Variants in CHD8 observed in about 807,000 individuals in gnomAD.
The protein encoded by CHD8 is ATP-dependent chromatin remodeler CHD8.
In CHD8, 31 loss-of-function variants were observed where a neutral mutation model predicts 279.2. The observed-to-expected ratio is 0.11, with a 90% confidence interval of 0.08 to 0.15. CHD8 has a LOEUF of 0.15. Among genes scored for constraint, CHD8 ranks in the 10% least tolerant of loss-of-function variants. The probability of loss-of-function intolerance (pLI) is 1.00; values close to 1 mark genes in which losing one functional copy is unlikely to be tolerated. For missense variants in CHD8, 2,146 were observed against 3,230.5 expected (o/e 0.66, Z 8.14); for synonymous variants, 1,081 against 1,139.6 (o/e 0.95, Z 1.04).
At chr14:21,392,989 ACT>A in intron 33 of CHD8, 115 bp downstream of exon 33, 1 of 1,267,940 alleles carries the variant, frequency 7.9e-7, no homozygotes, top group Non-Finnish European at 1.1e-6. Context: ...AAAAAAAAAA[ACT>A]TGCAGCAATA....
rs142640311 is a variant in CHD8 at position 21,416,362 on chromosome 14, C to T, written c.1717-455G>A. On this transcript the variant is annotated intron_variant, in intron 5 of 37. Coordinates refer to ENST00000646647, the MANE Select transcript of CHD8 (RefSeq NM_001170629.2). ...CTTACTTTTTTATTTAATGATATTTCCTGGAAATGTTTTCCATATATATTT... is the reference window on the plus strand; with the variant it reads ...CTTACTTTTTTATTTAATGATATTTTCTGGAAATGTTTTCCATATATATTT... 611 of 152,746 alleles carry T rather than the reference C, an allele frequency of 4.0e-3. 4 individuals carry two copies. The highest frequency in any genetic ancestry group is 7.8e-3 in the Admixed American group (120 of 15,318). The allele number at this position is 152,746 out of a possible 1,614,324, so 9.5% of individuals were successfully genotyped here. A position where few individuals can be genotyped will look rare whatever the true frequency, so the allele number is the denominator to read the frequency against.
rs1456868260 is a variant in CHD8, at chr14:21,415,734, C to T, written c.1890G>A (p.Gln630=). The change falls in exon 6 of 38, where the codon CAG becomes CAA. Residue 630 remains glutamine, a synonymous_variant. Coordinates refer to ENST00000646647, the MANE Select transcript of CHD8 (RefSeq NM_001170629.2). ...EPDGETLPSM[Q]FFVENPSEED... ...TGAGTTTACAGCTTACCACAAAGAA[C>T]TGCATGGAAGGCAAAGTCTCGCCAT... 1.2e-6 allele frequency: 2 copies of T among 1,613,848 alleles called. No homozygotes were observed. Among genetic ancestry groups the T allele is most frequent in the Admixed American group, 3.3e-5 (2 of 60,004 alleles).
chr14:21,391,957 AACCC>A lies in CHD8; in HGVS notation c.6772-15_6772-12del. 2 of 1,573,036 alleles carry A rather than the reference AACCC, an allele frequency of 1.3e-6. No homozygotes were observed. The highest frequency in any genetic ancestry group is 1.8e-6 in the Non-Finnish European group (2 of 1,142,670). On this transcript the variant is annotated splice_polypyrimidine_tract_variant and intron_variant, in intron 34 of 37. Transcript: ENST00000646647. ...CTTCAATCCTTCCTCCTAGGAAGAC[AACCC>A]ACCCACCCAAGACATCATATGGTAC...
At chr14:21,414,267 A>G in intron 9 of CHD8, 34 bp downstream of exon 9, 1 of 1,072,392 alleles carries the variant, frequency 9.3e-7, no homozygotes, top group South Asian at 1.4e-5. Context: ...TGCTTCTGTG[A>G]AAGAAATGAC....
intron 37 of CHD8, among the ~76,000 whole-genome samples, chr14:21,388,312 T>C (rs1887369406): frequency 6.6e-6 from 1 of 152,168 alleles, no homozygotes; most frequent in African/African-American, 2.4e-5. Context: ...ATTGAAAATA[T>C]TTGAAAACAA....
intron 1 of CHD8, among the ~76,000 whole-genome samples, chr14:21,441,046 C>G (rs1440388112): frequency 2.0e-5 from 3 of 152,132 alleles, no homozygotes; most frequent in Non-Finnish European, 4.4e-5. Flanking sequence ...TCCTCCCCTT[C>G]CTAGCAAAGA....
Position 21,392,749 on chromosome 14 carries a change from G to C in CHD8, c.6529C>G (p.Pro2177Ala). ...ATTTCCTGGCTCCTACGGCTAGAAGGCCACTTCCCTGAGAGTACAGCCTGG... is the reference window on the plus strand; with the variant it reads ...ATTTCCTGGCTCCTACGGCTAGAAGCCCACTTCCCTGAGAGTACAGCCTGG... Reference protein sequence around the residue: ...VCQAVLSGKWPSSRRSQEMVT... With the variant: ...VCQAVLSGKWASSRRSQEMVT... The change falls in exon 34 of 38, where the codon CCT becomes GCT. Residue 2177 changes from proline to alanine, a missense_variant. Pro to Ala is a conservative substitution (Grantham distance 27). Transcript: ENST00000646647. The C allele has an allele frequency of 6.2e-7, 1 of 1,613,934 alleles. No individual in the cohort carries two copies. The highest frequency in any genetic ancestry group is 8.5e-7 in the Non-Finnish European group (1 of 1,179,884).
In CHD8 at chr14:21,392,371, TG is replaced by T. The variant is rs1887586530; in HGVS notation, c.6771+135del. ...ACCAGGAAAAATGATTCTTCCTAAA[TG>T]GATCTTTGTAAGCTCTGTTTTCTCA... is the stretch of plus-strand genomic sequence containing the variant. On this transcript the variant is annotated intron_variant, in intron 34 of 37. Coordinates refer to ENST00000646647, the MANE Select transcript of CHD8 (RefSeq NM_001170629.2). The T allele has an allele frequency of 1.7e-5, 15 of 887,744 alleles. No individual in the cohort carries two copies. The East Asian group carries it at 3.6e-4, about 21-fold the overall frequency. 55.0% of individuals were successfully genotyped at this position (887,744 alleles called of 1,614,324 possible).
intron 5 of CHD8, among the ~76,000 whole-genome samples, chr14:21,422,331 AAAAAAAG>A (rs1889081895): frequency 6.6e-6 from 1 of 152,158 alleles, no homozygotes; most frequent in African/African-American, 2.4e-5. Context: ...CCCTGTCTCA[AAAAAAAG>A]AAAAAAGGAA....
At chr14:21,412,376 C>G (rs1425438175) in intron 10 of CHD8, among the ~76,000 whole-genome samples, 1 of 152,060 alleles carries the variant, frequency 6.6e-6, no homozygotes, top group Non-Finnish European at 1.5e-5. Flanking sequence ...AAACTCCCAA[C>G]CTCGTGATCT....
Position 21,432,180 on chromosome 14 carries a change from T to G in CHD8, c.-215-322A>C, listed in dbSNP as rs180745254. Among the ~76,000 whole-genome samples the G allele has an allele frequency of 2.6e-5, 4 of 152,350 alleles. No homozygotes were observed. In the East Asian group the frequency reaches 7.7e-4, roughly 29 times the overall value. On this transcript the variant is annotated intron_variant, in intron 1 of 37. Coordinates refer to ENST00000646647, the MANE Select transcript of CHD8 (RefSeq NM_001170629.2). The stretch of plus-strand genomic sequence containing the variant: ...TGGTAAAGATAAAATTTAATATTCA[T>G]TTACCTTCTATTTTCAGTTTTTAAG...
At position 21,406,798 on chromosome 14, in the gene CHD8, C is replaced by T. The variant is rs181670352; in HGVS notation, c.2907+58G>A. ...TGCTAAACTAGGGTTATTTTAATAC[C>T]GCAAGGAATTACGGTTTATTCCAGG... is the stretch of plus-strand genomic sequence containing the variant. On this transcript the variant is annotated intron_variant, in intron 14 of 37. Coordinates refer to ENST00000646647, the MANE Select transcript of CHD8 (RefSeq NM_001170629.2). 3,433 of 1,461,046 alleles carry T rather than the reference C, an allele frequency of 2.3e-3. 28 individuals carry two copies. The highest frequency in any genetic ancestry group is 2.1e-3 in the Non-Finnish European group (2,222 of 1,074,964). The allele number at this position is 1,461,046 out of a possible 1,614,324, so 90.5% of individuals were successfully genotyped here. A position where few individuals can be genotyped will look rare whatever the true frequency, so the allele number is the denominator to read the frequency against.
Position 21,391,625 on chromosome 14 carries a change from C to G in CHD8, c.6903G>C (p.Met2301Ile), listed in dbSNP as rs1887542946. 6.4e-7 allele frequency: 1 copy of G among 1,569,524 alleles called. No homozygotes were observed. Among genetic ancestry groups the G allele is most frequent in the Non-Finnish European group, 8.7e-7 (1 of 1,153,788 alleles). ...KKLVELEVEC[M>I]EEPNHLDVDL... ...CCACATCAAGGTGATTAGGCTCTTC[C>G]ATGCACTCCACCTCCAGCTGCAAAC... The change falls in exon 36 of 38, where the codon ATG becomes ATC. Residue 2301 changes from methionine (M) to isoleucine (I), a missense_variant. Transcript: ENST00000646647.
intron 1 of CHD8, among the ~76,000 whole-genome samples, chr14:21,450,216 T>TA (rs532688902): frequency 8.8e-4 from 134 of 152,366 alleles, no homozygotes; most frequent in African/African-American, 3.2e-3. Flanking sequence ...GTATATCTGA[T>TA]AAAATCATGT....
Position 21,402,264 on chromosome 14 carries a change from G to A in CHD8, c.3882+72C>T, listed in dbSNP as rs1030319523. 1 of 1,562,508 alleles carries A rather than the reference G, an allele frequency of 6.4e-7. No individual in the cohort carries two copies. The highest frequency in any genetic ancestry group is 8.8e-7 in the Non-Finnish European group (1 of 1,134,940). On this transcript the variant is annotated intron_variant, in intron 19 of 37. Transcript: ENST00000646647. The surrounding 1 kb of genome is among the most constrained non-coding windows in gnomAD (Gnocchi z 4.5). ...CCAAACAAGGTAGTCAAATCCCTGT[G>A]TACAAATAGCTTTTGTTTCCCTCTA...
intron 9 of CHD8, 121 bp from the exon 10 acceptor site, chr14:21,413,117 C>T: frequency 1.5e-6 from 1 of 682,728 alleles, no homozygotes. Flanking sequence ...TAGAAGCTAT[C>T]CGATGGGTGT....
rs1315631816 is a variant in CHD8, at chr14:21,385,789, C to T, written c.7570G>A (p.Ala2524Thr). 6.7e-6 allele frequency: 9 copies of T among 1,353,184 alleles called. No homozygotes were observed. The highest frequency in any genetic ancestry group is 6.6e-5 in the African/African-American group (4 of 60,760). 83.8% of individuals were successfully genotyped at this position (1,353,184 alleles called of 1,614,324 possible). A position where few individuals can be genotyped will look rare whatever the true frequency, so the allele number is the denominator to read the frequency against. ...PGYPSSPVTT[A>T]SGTTLRLPPL... ...GGCAACCGCAAGGTAGTACCAGAGG[C>T]GGTAGTCACTGGTGAAGAGGGGTAG... The change falls in exon 38 of 38, where the codon GCC becomes ACC. Residue 2524 changes from alanine to threonine, a missense_variant. This residue lies in a region of CHD8 where 336 missense variants were observed against 392.9 expected (regional missense o/e 0.86). Coordinates refer to ENST00000646647, the MANE Select transcript of CHD8 (RefSeq NM_001170629.2).
intron 1 of CHD8, among the ~76,000 whole-genome samples, chr14:21,442,328 T>A (rs1889997003): frequency 6.6e-6 from 1 of 152,032 alleles, no homozygotes; most frequent in African/African-American, 2.4e-5. Context: ...TAGCCAGGCG[T>A]GTGACACAGG....
Position 21,398,622 on chromosome 14 carries a change from T to A in CHD8, c.4922-670A>T, listed in dbSNP as rs766445775. The A allele has an allele frequency of 3.9e-5, 6 of 152,146 alleles. 1 individual carries two copies. The highest frequency in any genetic ancestry group is 2.1e-4 in the South Asian group (1 of 4,826). The allele number at this position is 152,146 out of a possible 1,614,324, so 9.4% of individuals were successfully genotyped here. A position where few individuals can be genotyped will look rare whatever the true frequency, so the allele number is the denominator to read the frequency against. ...TTTTATAGAAAAAAAAGTATTCTTT[T>A]AAAAAAAAGACATTCTAATTCACAA... is the stretch of plus-strand genomic sequence containing the variant. On this transcript the variant is annotated intron_variant, in intron 26 of 37. Coordinates refer to ENST00000646647, the MANE Select transcript of CHD8 (RefSeq NM_001170629.2).
Sources: gnomAD v4.1 joint callset for allele counts (sites outside exome capture counted in the v4.1 genomes callset) on GRCh38, gnomAD v4.1.1 for gene constraint, gnomAD v4.1.1 regional missense constraint, Gnocchi (gnomAD v3.1) non-coding constraint, MANE v1.5 for transcripts, NCBI Gene and HGNC (gene_info 2026-07-23, HGNC 2026-07-21) for gene names.